WDR89: variants seen among roughly 807,000 people sequenced by gnomAD.
WDR89 encodes the protein WD repeat-containing protein 89.
WDR89 carries 17 observed loss-of-function variants against 29.1 expected under a neutral mutation model. The ratio of observed to expected loss-of-function variants is 0.58; its 90% CI spans 0.40 to 0.88. WDR89 has a LOEUF of 0.88. Among genes scored for constraint, WDR89 ranks in the 40% least tolerant of loss-of-function variants. The pLI, the probability that WDR89 is intolerant of heterozygous loss-of-function variation, is 0.00. For synonymous variants in WDR89, 138 were observed against 157.8 expected (o/e 0.87, Z 0.94); for missense variants, 396 against 456.3 (o/e 0.87, Z 1.20).
At chr14:63,615,878 G>A (rs1433165954) in intron 2 of WDR89, among the ~76,000 whole-genome samples, 1 of 150,934 alleles carries the variant, frequency 6.6e-6, no homozygotes, top group African/African-American at 2.5e-5. Flanking sequence ...GAGCTGAGAT[G>A]GTGCCACTGC....
At chr14:63,609,909 TTCTTA>T (rs1253673159) in intron 2 of WDR89, among the ~76,000 whole-genome samples, 1 of 152,164 alleles carries the variant, frequency 6.6e-6, no homozygotes, top group African/African-American at 2.4e-5. Context: ...TCTCCCAAGA[TTCTTA>T]TCTTGGATAC....
At chr14:63,620,555 G>A (rs1882632143) in intron 2 of WDR89, among the ~76,000 whole-genome samples, 1 of 152,136 alleles carries the variant, frequency 6.6e-6, no homozygotes, top group East Asian at 1.9e-4. Context: ...ATAATATGGT[G>A]ACTACAGTTA....
At chr14:63,638,953 T>C (rs1165235624) in intron 1 of WDR89, among the ~76,000 whole-genome samples, 1 of 152,158 alleles carries the variant, frequency 6.6e-6, no homozygotes, top group Non-Finnish European at 1.5e-5. Flanking sequence ...GAGAGTATCC[T>C]TGTTTATCTG....
chr14:63,641,244 A>G (rs1884110394), intron 1 of WDR89: 1 of 152,272 alleles, frequency 6.6e-6, no homozygotes, highest in South Asian at 2.1e-4. Flanking sequence ...AAACACAAGA[A>G]TGAGTAATGT....
chr14:63,614,672 T>C (rs941516494), intron 2 of WDR89, among the ~76,000 whole-genome samples: 3 of 152,206 alleles, frequency 2.0e-5, no homozygotes, highest in African/African-American at 7.2e-5. Flanking sequence ...AGGAGAATCG[T>C]TTCCAGAAAA....
At chr14:63,626,053 C>T (rs1009735561) in intron 1 of WDR89, among the ~76,000 whole-genome samples, 4 of 152,098 alleles carry the variant, frequency 2.6e-5, no homozygotes, top group Middle Eastern at 3.4e-3. Flanking sequence ...GGGGTTTCAC[C>T]ATGTTGGCCA....
rs1035345493 is a variant in WDR89 at position 63,610,922 on chromosome 14, G to A, written c.-31-10949C>T. ...TCACCATGTTGGCCAGGCTGGTCTC[G>A]AACTCCTGACCTTGTAATTCGCCCG... is the stretch of plus-strand genomic sequence containing the variant. On this transcript the variant is annotated intron_variant, in intron 2 of 2. Transcript: ENST00000620954. Among the ~76,000 whole-genome samples the A allele has an allele frequency of 7.2e-5, 11 of 151,836 alleles. No individual in the cohort carries two copies. The South Asian group carries it at 8.3e-4, about 11-fold the overall frequency.
intron 2 of WDR89, among the ~76,000 whole-genome samples, chr14:63,600,912 C>T (rs1051541906): frequency 5.9e-5 from 9 of 151,910 alleles, no homozygotes; most frequent in African/African-American, 9.7e-5. Context: ...CTGTTATCAC[C>T]GTGGCCCAAT....
At chr14:63,635,835 C>T (rs1039566650) in intron 1 of WDR89, among the ~76,000 whole-genome samples, 6 of 152,114 alleles carry the variant, frequency 3.9e-5, no homozygotes, top group Non-Finnish European at 5.9e-5. Context: ...ACATCAACAG[C>T]GACCAAGCAG....
chr14:63,636,709 C>T (rs969959140), intron 1 of WDR89, among the ~76,000 whole-genome samples: 1 of 152,112 alleles, frequency 6.6e-6, no homozygotes, highest in African/African-American at 2.4e-5. Flanking sequence ...AATTGGCTAG[C>T]CACATGGAGG....
chr14:63,607,771 C>T (rs1451966358), intron 2 of WDR89, among the ~76,000 whole-genome samples: 1 of 150,916 alleles, frequency 6.6e-6, no homozygotes, highest in Non-Finnish European at 1.5e-5. Flanking sequence ...ATCCCAGCTA[C>T]TTGGGAGGCT....
intron 1 of WDR89, among the ~76,000 whole-genome samples, chr14:63,634,913 C>G (rs1345535247): frequency 2.6e-5 from 4 of 150,974 alleles, no homozygotes; most frequent in African/African-American, 9.8e-5. Context: ...TGGTGCGTGC[C>G]TGTAGTCCCA....
chr14:63,602,648 T>C (rs1310809270), intron 2 of WDR89, among the ~76,000 whole-genome samples: 1 of 150,546 alleles, frequency 6.6e-6, no homozygotes, highest in Admixed American at 6.6e-5. Flanking sequence ...GGCACATGCC[T>C]GTAATCCCAG....
chr14:63,621,113 T>G (rs573033342), intron 2 of WDR89, among the ~76,000 whole-genome samples: 51 of 152,284 alleles, frequency 3.3e-4, no homozygotes, highest in Middle Eastern at 6.8e-3. Context: ...AAAAAGAATG[T>G]GAAGAAACTG....
In WDR89 at chr14:63,623,137, G is replaced by A. The variant is rs557565580; in HGVS notation, c.-32+1791C>T. Among the ~76,000 whole-genome samples the A allele has an allele frequency of 9.4e-5, 14 of 148,932 alleles. No individual in the cohort carries two copies. The East Asian group carries it at 2.8e-3, about 29-fold the overall frequency. Reference sequence around the variant, plus strand: ...AACTTGAGCGTGGGAGACAGAGGTTGCAGTGAACCCAGATCGCCCTATTGC... The same window carrying A: ...AACTTGAGCGTGGGAGACAGAGGTTACAGTGAACCCAGATCGCCCTATTGC... On this transcript the variant is annotated intron_variant, in intron 2 of 2. Coordinates refer to ENST00000620954, the MANE Select transcript of WDR89 (RefSeq NM_080666.4).
chr14:63,602,769 T>C (rs1895135459), intron 2 of WDR89, among the ~76,000 whole-genome samples: 1 of 135,346 alleles, frequency 7.4e-6, no homozygotes, highest in Non-Finnish European at 1.5e-5. Context: ...TGAAACTCCA[T>C]CTCAAAAAAA....
rs527684627 is a variant in WDR89, at chr14:63,619,112, G to A, written c.-32+5816C>T. 3.9e-4 allele frequency among the ~76,000 whole-genome samples: 59 copies of A among 152,260 alleles called. No homozygotes were observed. In the South Asian group the frequency reaches 6.0e-3, roughly 16 times the overall value. ...CGCTGTGGAAAGAGCACCAACGGTC[G>A]GCAGGTGGTGGGGAAGAGCATGGAG... On this transcript the variant is annotated intron_variant, in intron 2 of 2. Transcript: ENST00000620954.
chr14:63,603,492 T>C (rs1895176861), intron 2 of WDR89, among the ~76,000 whole-genome samples: 1 of 152,374 alleles, frequency 6.6e-6, no homozygotes, highest in South Asian at 2.1e-4. Flanking sequence ...ATGATTATGC[T>C]AGAATCTGTA....
At chr14:63,608,378 C>CA (rs201129536) in intron 2 of WDR89, among the ~76,000 whole-genome samples, 3,042 of 151,200 alleles carry the variant, frequency 0.02, 48 homozygotes, top group South Asian at 0.031. Context: ...GTCTCTTTCT[C>CA]AAAAAAAATA....
Sources: allele counts gnomAD v4.1 joint callset (sites outside exome capture counted in the v4.1 genomes callset), GRCh38; gene constraint gnomAD v4.1.1; transcripts MANE v1.5; gene names NCBI Gene and HGNC (gene_info 2026-07-23, HGNC 2026-07-21).